The following CACNB2 variants were observed in gnomAD, a reference collection of about 807,000 sequenced individuals.
CACNB2 encodes the protein voltage-dependent L-type calcium channel subunit beta-2.
A neutral mutation model predicts 73.3 loss-of-function variants in CACNB2; 42 were observed. The ratio of observed to expected loss-of-function variants is 0.57; its 90% CI spans 0.45 to 0.74. The LOEUF (loss-of-function observed/expected upper bound fraction) is 0.74, where lower values mean the gene tolerates loss of function less well. Among genes scored for constraint, CACNB2 ranks in the 30% least tolerant of loss-of-function variants. The pLI is 0.00. For missense variants in CACNB2, 940 were observed against 853.0 expected (o/e 1.10, Z -1.27); for synonymous variants, 348 against 310.3 (o/e 1.12, Z -1.28).
chr10:18,444,772 T>TCCTTCTCC (rs748000858), intron 3 of CACNB2, among the ~76,000 whole-genome samples: 4 of 152,226 alleles, frequency 2.6e-5, no homozygotes, highest in Non-Finnish European at 5.9e-5. Context: ...CTAGCTAGCT[T>TCCTTCTCC]CCTTCTCCCC....
chr10:18,321,561 A>G (rs942026350), intron 2 of CACNB2, among the ~76,000 whole-genome samples: 2 of 152,222 alleles, frequency 1.3e-5, no homozygotes, highest in Non-Finnish European at 2.9e-5. Context: ...AACTCACAGG[A>G]CAAATGCTTG....
intron 2 of CACNB2, among the ~76,000 whole-genome samples, chr10:18,289,064 T>TA (rs2038934117): frequency 6.6e-6 from 1 of 151,964 alleles, no homozygotes; most frequent in East Asian, 1.9e-4. Context: ...AAAAGTAAAG[T>TA]AAAAAAATTT....
chr10:18,383,839 A>G (rs778406861), intron 2 of CACNB2, among the ~76,000 whole-genome samples: 3 of 152,000 alleles, frequency 2.0e-5, no homozygotes, highest in African/African-American at 2.4e-5. Flanking sequence ...CAGAGTAGCT[A>G]GGATTACAGG....
chr10:18,174,286 C>A (rs1221101429), intron 2 of CACNB2, among the ~76,000 whole-genome samples: 6 of 120,780 alleles, frequency 5.0e-5, no homozygotes, highest in African/African-American at 1.5e-4. Context: ...CTCTCTCTTT[C>A]TCTCTTTTCC....
chr10:18,276,751 G>C (rs1003760790), intron 2 of CACNB2, among the ~76,000 whole-genome samples: 5 of 151,858 alleles, frequency 3.3e-5, no homozygotes, highest in African/African-American at 1.2e-4. Context: ...GCTAATTTTT[G>C]TATTTTTAGT....
At chr10:18,482,032 G>C (rs933322779) in intron 3 of CACNB2, among the ~76,000 whole-genome samples, 1 of 152,078 alleles carries the variant, frequency 6.6e-6, no homozygotes, top group African/African-American at 2.4e-5. Flanking sequence ...TGGGATTACA[G>C]GCGCCTGCCA....
chr10:18,220,511 C>T (rs1040513250), intron 2 of CACNB2, among the ~76,000 whole-genome samples: 1 of 151,872 alleles, frequency 6.6e-6, no homozygotes, highest in African/African-American at 2.4e-5. Flanking sequence ...ATCTGCCTGC[C>T]TCAGTCTCCC....
chr10:18,226,956 T>C (rs569535923), intron 2 of CACNB2, among the ~76,000 whole-genome samples: 8 of 152,198 alleles, frequency 5.3e-5, no homozygotes, highest in African/African-American at 1.9e-4. Context: ...GCGAGGGTTA[T>C]TTAGCTGCAC....
At chr10:18,375,937 T>A (rs1244325351) in intron 2 of CACNB2, among the ~76,000 whole-genome samples, 4 of 152,076 alleles carry the variant, frequency 2.6e-5, no homozygotes, top group African/African-American at 9.7e-5. Flanking sequence ...CAGATGGAGG[T>A]TGCTCAAAAA....
intron 3 of CACNB2, among the ~76,000 whole-genome samples, chr10:18,493,370 G>A (rs1423557369): frequency 6.6e-6 from 1 of 152,122 alleles, no homozygotes; most frequent in Non-Finnish European, 1.5e-5. Context: ...GTTTCTCCAT[G>A]TTGGTCAGGC....
chr10:18,362,669 C>T (rs112097498), intron 2 of CACNB2, among the ~76,000 whole-genome samples: 5,189 of 152,242 alleles, frequency 0.034, 130 homozygotes, highest in African/African-American at 0.063. Context: ...GGCTGGGCGC[C>T]GTGGCTCACG....
At chr10:18,484,254 C>T (rs1217808625) in intron 3 of CACNB2, among the ~76,000 whole-genome samples, 2 of 151,920 alleles carry the variant, frequency 1.3e-5, no homozygotes, top group Middle Eastern at 3.2e-3. Flanking sequence ...ATTAGCCGGG[C>T]GTGGTGGCGG....
chr10:18,250,533 CTT>C (rs368248510), intron 2 of CACNB2, among the ~76,000 whole-genome samples: 62 of 145,744 alleles, frequency 4.3e-4, no homozygotes, highest in Non-Finnish European at 5.6e-4. Flanking sequence ...TTATCTCTCT[CTT>C]TTTTTTTTTT....
intron 2 of CACNB2, among the ~76,000 whole-genome samples, chr10:18,221,105 G>A (rs1342332342): frequency 6.6e-6 from 1 of 152,202 alleles, no homozygotes; most frequent in Non-Finnish European, 1.5e-5. Flanking sequence ...GGAGAGAAGG[G>A]CAGGGGGCAG....
chr10:18,284,581 C>A (rs1350974359), intron 2 of CACNB2, among the ~76,000 whole-genome samples: 1 of 152,204 alleles, frequency 6.6e-6, no homozygotes, highest in Non-Finnish European at 1.5e-5. Context: ...ACAAAACTTT[C>A]TCCCATTCTG....
At chr10:18,430,217 A>T (rs1394436411) in intron 3 of CACNB2, among the ~76,000 whole-genome samples, 1 of 152,134 alleles carries the variant, frequency 6.6e-6, no homozygotes, top group Non-Finnish European at 1.5e-5. Flanking sequence ...ATGTCAACAG[A>T]CATCCAGGGT....
chr10:18,237,603 C>G (rs1251739988), intron 2 of CACNB2, among the ~76,000 whole-genome samples: 1 of 152,218 alleles, frequency 6.6e-6, no homozygotes, highest in African/African-American at 2.4e-5. Context: ...TTTCAGCCAC[C>G]TATCCTATGG....
chr10:18,243,430 G>C (rs192146074), intron 2 of CACNB2, among the ~76,000 whole-genome samples: 24 of 152,276 alleles, frequency 1.6e-4, no homozygotes, highest in Admixed American at 9.1e-4. Flanking sequence ...AAGGAGAATG[G>C]TGAAAGAGAC....
chr10:18,332,451 G>A (rs2040842598), intron 2 of CACNB2, among the ~76,000 whole-genome samples: 1 of 152,162 alleles, frequency 6.6e-6, no homozygotes. Context: ...TCCATGCAGA[G>A]TCATCAAATT....
Sources: allele counts gnomAD v4.1 joint callset (sites outside exome capture counted in the v4.1 genomes callset), GRCh38; gene constraint gnomAD v4.1.1; transcripts MANE v1.5; gene names NCBI Gene and HGNC (gene_info 2026-07-23, HGNC 2026-07-21).